BTRC: variants seen among roughly 807,000 people sequenced by gnomAD.
The protein encoded by BTRC is beta-transducin repeat containing E3 ubiquitin protein ligase.
Under a neutral mutation model 85.5 loss-of-function variants are expected in BTRC, and 42 were observed. The ratio of observed to expected loss-of-function variants is 0.49; its 90% confidence interval spans 0.38 to 0.64. The LOEUF (loss-of-function observed/expected upper bound fraction) is 0.64. Among genes scored for constraint, BTRC ranks in the 30% least tolerant of loss-of-function variants. BTRC has a pLI of 0.00. For missense variants in BTRC, 594 were observed against 743.5 expected (o/e 0.80, Z 2.34); for synonymous variants, 255 against 263.3 (o/e 0.97, Z 0.30).
At chr10:101,470,848 A>G (rs1413859292) in intron 3 of BTRC, among the ~76,000 whole-genome samples, 1 of 152,178 alleles carries the variant, frequency 6.6e-6, no homozygotes. Context: ...CAGTTGTTTC[A>G]GCACCATTGT....
intron 2 of BTRC, among the ~76,000 whole-genome samples, chr10:101,445,873 G>A (rs1035334492): frequency 2.6e-5 from 4 of 152,086 alleles, no homozygotes; most frequent in African/African-American, 7.2e-5. Context: ...TGACGGGGAG[G>A]GTGTTAAAGT....
At chr10:101,361,802 G>A (rs1370735407) in intron 1 of BTRC, among the ~76,000 whole-genome samples, 1 of 152,168 alleles carries the variant, frequency 6.6e-6, no homozygotes, top group African/African-American at 2.4e-5. Context: ...GATTAATGTT[G>A]AACTAAGAAT....
At chr10:101,375,928 CAA>C (rs1942779456) in intron 1 of BTRC, among the ~76,000 whole-genome samples, 1 of 152,124 alleles carries the variant, frequency 6.6e-6, no homozygotes, top group Non-Finnish European at 1.5e-5. Context: ...GCCAGTGTAT[CAA>C]CACAGGGGAA....
chr10:101,379,813 C>G (rs1325932759), intron 1 of BTRC, among the ~76,000 whole-genome samples: 1 of 151,516 alleles, frequency 6.6e-6, no homozygotes, highest in Non-Finnish European at 1.5e-5. Context: ...TGTAAATAGC[C>G]AGGAAAAAAG....
At chr10:101,513,258 A>G (rs1212827834) in intron 4 of BTRC, among the ~76,000 whole-genome samples, 2 of 152,226 alleles carry the variant, frequency 1.3e-5, no homozygotes, top group African/African-American at 4.8e-5. Context: ...TGGATTTATC[A>G]GTAGGAATAC....
chr10:101,500,741 T>G (rs1406043438), intron 4 of BTRC, among the ~76,000 whole-genome samples: 2 of 152,178 alleles, frequency 1.3e-5, no homozygotes, highest in Non-Finnish European at 2.9e-5. Flanking sequence ...AAAGTCAGCA[T>G]GTAGAAAAGT....
intron 4 of BTRC, among the ~76,000 whole-genome samples, chr10:101,521,215 A>C (rs978428353): frequency 2.6e-5 from 4 of 152,220 alleles, no homozygotes; most frequent in Admixed American, 2.6e-4. Flanking sequence ...TGGAGGCTGC[A>C]GTGAGCTATG....
chr10:101,471,260 C>G (rs1350055298), intron 3 of BTRC, among the ~76,000 whole-genome samples: 1 of 152,142 alleles, frequency 6.6e-6, no homozygotes, highest in Non-Finnish European at 1.5e-5. Context: ...TGGTGGCTCC[C>G]TCCTGTAATC....
At chr10:101,505,311 A>C (rs1266830092) in intron 4 of BTRC, among the ~76,000 whole-genome samples, 12 of 149,890 alleles carry the variant, frequency 8.0e-5, no homozygotes, top group African/African-American at 2.4e-4. Context: ...GCCGTTGACT[A>C]ATACATTTTT....
intron 1 of BTRC, among the ~76,000 whole-genome samples, chr10:101,363,414 T>C (rs1942268029): frequency 6.6e-6 from 1 of 152,144 alleles, no homozygotes; most frequent in Admixed American, 6.6e-5. Context: ...AAGCACAAAG[T>C]GCTATAGAAT....
chr10:101,367,253 A>G (rs1942492841), intron 1 of BTRC, among the ~76,000 whole-genome samples: 1 of 148,978 alleles, frequency 6.7e-6, no homozygotes, highest in Non-Finnish European at 1.5e-5. Context: ...TATTTTTAGT[A>G]GAGACAAGGT....
chr10:101,364,559 A>G (rs774772585), intron 1 of BTRC, among the ~76,000 whole-genome samples: 7 of 152,282 alleles, frequency 4.6e-5, no homozygotes, highest in African/African-American at 7.2e-5. Flanking sequence ...GTGCTGATAT[A>G]TTTAGATGTC....
chr10:101,477,875 C>G (rs544315304), intron 3 of BTRC, among the ~76,000 whole-genome samples: 4 of 152,006 alleles, frequency 2.6e-5, no homozygotes, highest in South Asian at 4.2e-4. Context: ...GCCTCAAACT[C>G]CTGAGCTCAG....
chr10:101,551,551 C>G (rs1239759462), intron 14 of BTRC, among the ~76,000 whole-genome samples: 3 of 152,162 alleles, frequency 2.0e-5, no homozygotes, highest in African/African-American at 7.2e-5. Flanking sequence ...CAGATCATAC[C>G]TGCTGTTCTA....
At chr10:101,522,352 T>TAAAAAAAAAAAAAA (rs34282047) in intron 5 of BTRC, among the ~76,000 whole-genome samples, 5 of 42,058 alleles carry the variant, frequency 1.2e-4, no homozygotes, top group Non-Finnish European at 2.0e-4. Flanking sequence ...TATAAAGCTT[T>TAAAAAAAAAAAAAA]AAAAAAAAAA....
At chr10:101,510,212 A>T (rs1946665314) in intron 4 of BTRC, among the ~76,000 whole-genome samples, 1 of 150,964 alleles carries the variant, frequency 6.6e-6, no homozygotes. Context: ...AAGATCTTTT[A>T]AAGTCATTAT....
intron 4 of BTRC, among the ~76,000 whole-genome samples, chr10:101,486,443 GAA>G (rs34815375): frequency 1.0e-4 from 15 of 145,362 alleles, no homozygotes; most frequent in African/African-American, 1.3e-4. Flanking sequence ...ATTTCTCAGG[GAA>G]AAAAAAAAAA....
chr10:101,476,547 C>G (rs1230055288), intron 3 of BTRC, among the ~76,000 whole-genome samples: 3 of 151,994 alleles, frequency 2.0e-5, no homozygotes, highest in Admixed American at 6.5e-5. Context: ...TCATAGCTCC[C>G]TGCAGTCTTC....
chr10:101,518,342 C>G (rs1020093161), intron 4 of BTRC, among the ~76,000 whole-genome samples: 2 of 152,102 alleles, frequency 1.3e-5, no homozygotes, highest in African/African-American at 4.8e-5. Flanking sequence ...CCATGTGGCC[C>G]CTCTGTATGG....
Sources: allele counts gnomAD v4.1 joint callset (sites outside exome capture counted in the v4.1 genomes callset), GRCh38; gene constraint gnomAD v4.1.1; transcripts MANE v1.5; gene names NCBI Gene and HGNC (gene_info 2026-07-23, HGNC 2026-07-21).